The following HMCN1 variants were observed in gnomAD, a reference collection of about 807,000 sequenced individuals.
HMCN1 encodes the protein hemicentin 1.
In HMCN1, 321 loss-of-function variants were observed where a neutral mutation model predicts 625.9. The observed-to-expected ratio is 0.51, with a 90% confidence interval of 0.47 to 0.56. The LOEUF (loss-of-function observed/expected upper bound fraction) is 0.56, where lower values mean the gene tolerates loss of function less well. Among genes scored for constraint, HMCN1 ranks in the 20% least tolerant of loss-of-function variants. The pLI, the probability that HMCN1 is intolerant of heterozygous loss-of-function variation, is 0.00. For synonymous variants in HMCN1, 2,425 were observed against 2,417.6 expected, an observed-to-expected ratio of 1.00 and a Z score of -0.09; for missense variants, 6,588 against 6,887.3, an observed-to-expected ratio of 0.96 and a Z score of 1.54.
At chr1:185,844,981 T>A (rs760115413) in intron 1 of HMCN1, among the ~76,000 whole-genome samples, 19 of 152,312 alleles carry the variant, frequency 1.2e-4, no homozygotes, top group Non-Finnish European at 2.5e-4. Context: ...ATGATCTAAG[T>A]CTTGGCTCTC....
intron 15 of HMCN1, among the ~76,000 whole-genome samples, chr1:185,972,297 C>T (rs1436575038): frequency 8.5e-5 from 13 of 152,174 alleles, no homozygotes; most frequent in Non-Finnish European, 1.5e-4. Context: ...TCTTTGCTTA[C>T]TTGCTGCCTT....
intron 4 of HMCN1, among the ~76,000 whole-genome samples, chr1:185,885,982 C>T (rs758963601): frequency 2.7e-4 from 41 of 151,834 alleles, no homozygotes; most frequent in South Asian, 8.3e-4. Context: ...AAGGATTCAC[C>T]AATTGGAAAT....
intron 1 of HMCN1, among the ~76,000 whole-genome samples, chr1:185,837,127 C>T (rs563324782): frequency 1.3e-5 from 2 of 151,262 alleles, no homozygotes; most frequent in Admixed American, 1.3e-4. Context: ...CATGTCTTGG[C>T]AATTGTGAAT....
intron 57 of HMCN1, 23 bp downstream of exon 57, chr1:186,082,984 A>G (rs769945498): frequency 1.1e-5 from 16 of 1,412,982 alleles, no homozygotes; most frequent in East Asian, 7.0e-5. Flanking sequence ...TTCCAAAACC[A>G]TCTGTTAGGG....
At chr1:186,057,189 G>T (rs374798921) in intron 45 of HMCN1, 45 bp from the exon 46 acceptor site, 122 of 1,489,712 alleles carry the variant, frequency 8.2e-5, no homozygotes, top group Non-Finnish European at 1.0e-4. Flanking sequence ...TGTATATCAG[G>T]CAACTAATAT....
At chr1:186,082,166 T>G (rs1377937607) in intron 56 of HMCN1, among the ~76,000 whole-genome samples, 1 of 152,128 alleles carries the variant, frequency 6.6e-6, no homozygotes. Flanking sequence ...CCAAAAGATA[T>G]ATAGTTGGAT....
At chr1:186,110,912 A>C (rs1660842499) in intron 71 of HMCN1, among the ~76,000 whole-genome samples, 1 of 150,192 alleles carries the variant, frequency 6.7e-6, no homozygotes, top group Non-Finnish European at 1.5e-5. Flanking sequence ...ATGAGGTTCT[A>C]TCAGGAGACA....
intron 21 of HMCN1, among the ~76,000 whole-genome samples, chr1:185,989,979 G>A (rs1019682051): frequency 1.3e-5 from 2 of 152,092 alleles, no homozygotes; most frequent in African/African-American, 4.8e-5. Context: ...CCTCAGCTAT[G>A]TCTTGGGTAG....
intron 4 of HMCN1, among the ~76,000 whole-genome samples, chr1:185,879,599 T>A (rs1664166957): frequency 6.6e-6 from 1 of 152,238 alleles, no homozygotes; most frequent in Non-Finnish European, 1.5e-5. Context: ...TACTATGTGT[T>A]AGACTTTAAG....
At chr1:185,790,118 C>A (rs2102197945) in intron 1 of HMCN1, among the ~76,000 whole-genome samples, 1 of 152,282 alleles carries the variant, frequency 6.6e-6, no homozygotes, top group East Asian at 1.9e-4. Flanking sequence ...GTGTCCTGAC[C>A]AAACCAAAAA....
rs1460811675 is a variant in HMCN1, at chr1:186,018,193, G to A, written c.5311G>A (p.Asp1771Asn). ...SPPPTIMWLK[D>N]GQLIDERDGF... ...TGCCTTTTTCTATAGGTGGCTGAAG[G>A]ATGGCCAGTTAATTGATGAAAGGGA... Residue 1771 changes from aspartate to asparagine, a missense_variant, in exon 34 of 107, where the codon GAT becomes AAT. By Grantham distance (23) the Asp-to-Asn change is conservative. Transcript: ENST00000271588. 2.5e-6 allele frequency: 4 copies of A among 1,612,276 alleles called. No homozygotes were observed. In the African/African-American group the frequency reaches 5.3e-5, roughly 22 times the overall value.
intron 4 of HMCN1, among the ~76,000 whole-genome samples, chr1:185,906,572 T>C (rs1438307903): frequency 6.6e-6 from 1 of 151,916 alleles, no homozygotes; most frequent in East Asian, 1.9e-4. Context: ...TTTCCAACAA[T>C]ATATCATAAC....
chr1:186,037,829 GAAAAA>G (rs1655937029), intron 36 of HMCN1, 100 bp from the exon 37 acceptor site: 1 of 744,886 alleles, frequency 1.3e-6, no homozygotes, highest in Non-Finnish European at 2.4e-6. Flanking sequence ...GTATATATGT[GAAAAA>G]AAGAAGAGAG....
chr1:186,113,134 A>C (rs894594284), intron 72 of HMCN1, among the ~76,000 whole-genome samples, 181 bp downstream of exon 72: 8 of 152,220 alleles, frequency 5.3e-5, no homozygotes, highest in Admixed American at 5.2e-4. Context: ...ATTTCCAAAA[A>C]ACATAACTAG....
chr1:185,848,537 A>G (rs756818413), intron 2 of HMCN1, among the ~76,000 whole-genome samples: 14 of 152,084 alleles, frequency 9.2e-5, no homozygotes, highest in Non-Finnish European at 1.9e-4. Context: ...AGGTAAAATC[A>G]TCCATACCAT....
Position 186,190,739 on chromosome 1 carries a change from C to T in HMCN1, c.*861C>T, listed in dbSNP as rs1008676971. On this transcript the variant is annotated 3_prime_UTR_variant, in exon 107 of 107. Coordinates refer to ENST00000271588, the MANE Select transcript of HMCN1 (RefSeq NM_031935.3). Reference sequence around the variant, plus strand: ...TAAAAATCTCATGTGTTCAAATTAACATAAATATTACACGTCAATACACTG... The same window carrying T: ...TAAAAATCTCATGTGTTCAAATTAATATAAATATTACACGTCAATACACTG... 1.0e-5 allele frequency: 2 copies of T among 196,690 alleles called. No homozygotes were observed. The highest frequency in any genetic ancestry group is 4.6e-5 in the African/African-American group (2 of 43,282). The allele number at this position is 196,690 out of a possible 1,614,324, so 12.2% of individuals were successfully genotyped here.
At chr1:186,171,731 GAAGT>G (rs1034334787) in intron 101 of HMCN1, among the ~76,000 whole-genome samples, 4 of 151,886 alleles carry the variant, frequency 2.6e-5, no homozygotes, top group African/African-American at 9.7e-5. Flanking sequence ...GTATACAAAT[GAAGT>G]TAGTATATAT....
At chr1:185,986,048 GT>G (rs1651976931) in intron 19 of HMCN1, among the ~76,000 whole-genome samples, 1 of 152,106 alleles carries the variant, frequency 6.6e-6, no homozygotes, top group South Asian at 2.1e-4. Flanking sequence ...CTTATTCCAT[GT>G]TGCCACAAAT....
intron 4 of HMCN1, among the ~76,000 whole-genome samples, chr1:185,868,395 C>T (rs756922914): frequency 2.0e-5 from 3 of 152,148 alleles, no homozygotes; most frequent in African/African-American, 7.2e-5. Context: ...TTCCCATAAT[C>T]CCCACATGTC....
Sources: allele counts gnomAD v4.1 joint callset (sites outside exome capture counted in the v4.1 genomes callset), GRCh38; gene constraint gnomAD v4.1.1; transcripts MANE v1.5; gene names NCBI Gene and HGNC (gene_info 2026-07-23, HGNC 2026-07-21).